Variants in TRMT2B observed in about 807,000 individuals in gnomAD.
TRMT2B encodes tRNA (uracil-5-)-methyltransferase homolog B.
TRMT2B carries 34 observed loss-of-function variants against 39.7 expected under a neutral mutation model. The observed-to-expected ratio is 0.86, with a 90% CI of 0.65 to 1.14. The LOEUF (loss-of-function observed/expected upper bound fraction) is 1.14. TRMT2B is among the 50% of genes most tolerant of loss of function. TRMT2B has a pLI of 0.00. For synonymous variants in TRMT2B, 132 were observed against 137.3 expected (o/e 0.96, Z 0.27); for missense variants, 318 against 377.2 (o/e 0.84, Z 1.30).
At chrX:100,974,243 C>T in the TRMT2B span, 1 of 967,365 alleles carries the variant, frequency 1.0e-6, no homozygotes, top group Non-Finnish European at 1.4e-6. Flanking sequence ...CTCCCATGGA[C>T]CCCAGAATCC....
chrX:100,991,374 T>TTTTTGTTTTGCTTTG, the TRMT2B span, among the ~76,000 whole-genome samples: 4 of 104,714 alleles, frequency 3.8e-5, no homozygotes, highest in Non-Finnish European at 7.8e-5. Context: ...CAGTGCTAAG[T>TTTTTGTTTTGCTTTG]TTTTGTTTTG....
chrX:100,975,675 C>T, the TRMT2B span, among the ~76,000 whole-genome samples: 2 of 107,144 alleles, frequency 1.9e-5, no homozygotes, highest in African/African-American at 6.9e-5. Context: ...TTCTGTTGCC[C>T]AGGCTGGAGT....
chrX:101,023,337 C>G, intron 8 of TRMT2B, 133 bp downstream of exon 8: 1 of 655,292 alleles, frequency 1.5e-6, no homozygotes, highest in Non-Finnish European at 2.4e-6. Context: ...TCCCTAACCC[C>G]TCTCCCCAAT....
At chrX:100,986,729 C>T in the TRMT2B span, 47 of 698,110 alleles carry the variant, frequency 6.7e-5, 1 homozygote, top group East Asian at 8.2e-4. Context: ...CTTCTTTTCT[C>T]GCCTTTTGCT....
At chrX:100,994,215 T>C in the TRMT2B span, among the ~76,000 whole-genome samples, 1 of 111,913 alleles carries the variant, frequency 8.9e-6, no homozygotes, top group Non-Finnish European at 1.9e-5. Flanking sequence ...TACAAATCTC[T>C]TTCTCAGTGG....
At chrX:101,039,319 C>T (rs977813642) in intron 4 of TRMT2B, among the ~76,000 whole-genome samples, 2 of 111,786 alleles carry the variant, frequency 1.8e-5, no homozygotes, top group African/African-American at 6.5e-5. Flanking sequence ...GATCTGCCCG[C>T]CTCAGCCTTC....
In TRMT2B at chrX:101,021,051, G is replaced by C. The variant is rs200642952; in HGVS notation, c.1066+50C>G. ...CCCGACCACCTCCGCAAGCTACAAG[G>C]GCCTTGGGAGCTGAGCAGCATGCAG... On this transcript the variant is annotated intron_variant, in intron 10 of 13. Transcript: ENST00000372936. 2.5e-5 allele frequency: 28 copies of C among 1,125,077 alleles called. No individual in the cohort carries two copies. The East Asian group carries it at 7.5e-4, about 30-fold the overall frequency. 92.7% of individuals were successfully genotyped at this position (1,125,077 alleles called of 1,213,427 possible). A position where few individuals can be genotyped will look rare whatever the true frequency, so the allele number is the denominator to read the frequency against.
At chrX:101,000,461 C>T in the TRMT2B span, among the ~76,000 whole-genome samples, 1 of 110,981 alleles carries the variant, frequency 9.0e-6, no homozygotes, top group African/African-American at 3.3e-5. Flanking sequence ...GAATTATAAT[C>T]TTTCGCTAGA....
chrX:101,020,684 G>C (rs1000883093), intron 10 of TRMT2B, 96 bp from the exon 11 acceptor site: 17 of 691,882 alleles, frequency 2.5e-5, no homozygotes, highest in Non-Finnish European at 3.9e-5. Flanking sequence ...TTGTTTGTTT[G>C]TTTTAAACAG....
chrX:100,995,866 C>T, the TRMT2B span, among the ~76,000 whole-genome samples: 1 of 112,099 alleles, frequency 8.9e-6, no homozygotes, highest in Non-Finnish European at 1.9e-5. Context: ...CTATGTAAAG[C>T]ATACATATAA....
Position 101,019,095 on chromosome X carries a change from T to C in TRMT2B, c.1289-25A>G, listed in dbSNP as rs752136214. The C allele has an allele frequency of 3.0e-5, 33 of 1,107,628 alleles. No individual in the cohort carries two copies. In the East Asian group the frequency reaches 9.6e-4, roughly 32 times the overall value. The allele number at this position is 1,107,628 out of a possible 1,213,427, so 91.3% of individuals were successfully genotyped here. A position where few individuals can be genotyped will look rare whatever the true frequency, so the allele number is the denominator to read the frequency against. ...TCTGAAGGAAGAAACACCTTGCTATTAGTATAATTAACTACCATGGTCTCT... is the reference window on the plus strand; with the variant it reads ...TCTGAAGGAAGAAACACCTTGCTATCAGTATAATTAACTACCATGGTCTCT... On this transcript the variant is annotated intron_variant, in intron 12 of 13. Transcript: ENST00000372936.
At chrX:100,986,592 T>A in the TRMT2B span, among the ~76,000 whole-genome samples, 1 of 112,358 alleles carries the variant, frequency 8.9e-6, no homozygotes, top group African/African-American at 3.2e-5. Flanking sequence ...TTCAAATGAT[T>A]TGTGCTATAC....
rs767520116 is a variant in TRMT2B, at chrX:101,050,795, G to A, written c.-24+456C>T. On this transcript the variant is annotated intron_variant, in intron 2 of 13. Transcript: ENST00000372936. ...TCGGTGGCTCTCGCTTGTAATCCCAGCACTTTGGGAGGCCGAGGCAGCCGG... is the reference window on the plus strand; with the variant it reads ...TCGGTGGCTCTCGCTTGTAATCCCAACACTTTGGGAGGCCGAGGCAGCCGG... Among the ~76,000 whole-genome samples, 3 of 110,861 alleles carry A rather than the reference G, an allele frequency of 2.7e-5. No individual in the cohort carries two copies. In the East Asian group the frequency reaches 8.5e-4, roughly 31 times the overall value.
chrX:101,011,672 T>C (rs955370184), intron 13 of TRMT2B, among the ~76,000 whole-genome samples: 1 of 111,337 alleles, frequency 9.0e-6, no homozygotes, highest in Non-Finnish European at 1.9e-5. Flanking sequence ...GGTGAGAGGA[T>C]TGCTTGAGCT....
the TRMT2B span, chrX:100,988,300 A>G: frequency 8.3e-7 from 1 of 1,205,824 alleles, no homozygotes; most frequent in East Asian, 3.0e-5. Flanking sequence ...GGCCCTTTAA[A>G]TGTTAATATT....
intron 10 of TRMT2B, 29 bp downstream of exon 10, chrX:101,021,072 T>G (rs200061526): frequency 2.4e-5 from 28 of 1,188,167 alleles, no homozygotes; most frequent in Non-Finnish European, 2.7e-5. Context: ...CTGAGCAGCA[T>G]GCAGATTCTG....
At chrX:101,033,595 C>CA (rs766029617) in intron 7 of TRMT2B, among the ~76,000 whole-genome samples, 12 of 105,885 alleles carry the variant, frequency 1.1e-4, no homozygotes, top group Non-Finnish European at 1.9e-4. Context: ...ACTCCATACA[C>CA]AAAAAAATAA....
chrX:101,012,001 G>A (rs1645635255), intron 13 of TRMT2B, among the ~76,000 whole-genome samples: 2 of 111,792 alleles, frequency 1.8e-5, no homozygotes, highest in Admixed American at 1.9e-4. Context: ...ACCTCCTGAA[G>A]GATCTGCCTG....
downstream of TRMT2B, among the ~76,000 whole-genome samples, chrX:101,008,575 A>G (rs2086144383): frequency 8.9e-6 from 1 of 111,738 alleles, no homozygotes; most frequent in African/African-American, 3.2e-5. Flanking sequence ...GTGAGCTGAG[A>G]TCACGCCACT....
Sources: allele counts gnomAD v4.1 joint callset (sites outside exome capture counted in the v4.1 genomes callset), GRCh38; gene constraint gnomAD v4.1.1; transcripts MANE v1.5; gene names NCBI Gene and HGNC (gene_info 2026-07-23, HGNC 2026-07-21).